The following KIAA1549L variants were observed in gnomAD, a reference collection of about 807,000 sequenced individuals.
The protein encoded by KIAA1549L is KIAA1549 like.
KIAA1549L carries 88 observed loss-of-function variants against 160.7 expected under a neutral mutation model. The observed-to-expected ratio is 0.55, with a 90% CI of 0.46 to 0.65. KIAA1549L has a LOEUF of 0.65. Among genes scored for constraint, KIAA1549L ranks in the 30% least tolerant of loss-of-function variants. The probability of loss-of-function intolerance (pLI) is 0.00; values close to 1 mark genes in which losing one functional copy is unlikely to be tolerated. For synonymous variants in KIAA1549L, 950 were observed against 976.7 expected (o/e 0.97, Z 0.51); for missense variants, 2,258 against 2,437.5 (o/e 0.93, Z 1.55).
rs573454392 is a variant in KIAA1549L at position 33,436,736 on chromosome 11, C to T, written c.238+59847C>T. 6.9e-4 allele frequency among the ~76,000 whole-genome samples: 105 copies of T among 152,272 alleles called. 1 individual carries two copies. Among genetic ancestry groups the T allele is most frequent in the Admixed American group, 5.4e-3 (82 of 15,298 alleles). The stretch of plus-strand genomic sequence containing the variant: ...ATGGTGGAGGCTGAACCCAAGCAAG[C>T]GCAGTCTGGCTCTTCAATTCCTCAC... On this transcript the variant is annotated intron_variant, in intron 1 of 20. Coordinates refer to ENST00000658780, the MANE Select transcript of KIAA1549L (RefSeq NM_012194.3).
In KIAA1549L at chr11:33,547,844, C is replaced by T. The variant is rs1247934271; in HGVS notation, c.3466C>T (p.Arg1156Trp). The T allele has an allele frequency of 1.2e-5, 19 of 1,613,054 alleles. No homozygotes were observed. The highest frequency in any genetic ancestry group is 2.7e-5 in the African/African-American group (2 of 74,936). Reference protein sequence around the residue: ...SIAKGLTQALRKAFHQNDVSA... With the variant: ...SIAKGLTQALWKAFHQNDVSA... ...CGCCAAAGGGCTCACACAGGCATTG[C>T]GGAAGGCTTTCCACCAGAACGATGT... The change falls in exon 4 of 21, where the codon CGG (arginine) becomes TGG (tryptophan). Residue 1156 changes from arginine to tryptophan, a missense_variant. By Grantham distance (101) the Arg-to-Trp change is moderately radical. Coordinates refer to ENST00000658780, the MANE Select transcript of KIAA1549L (RefSeq NM_012194.3).
chr11:33,486,718 C>G (rs1852536228), intron 1 of KIAA1549L, among the ~76,000 whole-genome samples: 2 of 152,042 alleles, frequency 1.3e-5, no homozygotes, highest in South Asian at 4.2e-4. Context: ...ATTCTCTTAA[C>G]ATATTTCAAA....
chr11:33,600,988 C>T (rs1306289296), intron 13 of KIAA1549L, among the ~76,000 whole-genome samples: 2 of 152,088 alleles, frequency 1.3e-5, no homozygotes, highest in African/African-American at 2.4e-5. Context: ...TCCCTGCTGA[C>T]CTTGCCCATT....
rs777668229 is a variant in KIAA1549L at position 33,670,785 on chromosome 11, T to G, written c.*2631T>G. 2 of 152,254 alleles carry G rather than the reference T, an allele frequency of 1.3e-5. No homozygotes were observed. The highest frequency in any genetic ancestry group is 2.9e-5 in the Non-Finnish European group (2 of 68,048). The allele number at this position is 152,254 out of a possible 1,614,324, so 9.4% of individuals were successfully genotyped here. A position where few individuals can be genotyped will look rare whatever the true frequency, so the allele number is the denominator to read the frequency against. On this transcript the variant is annotated 3_prime_UTR_variant, in exon 21 of 21. Transcript: ENST00000658780. ...AGGCAGCAATGAACAAACACCCTGTTCATCAGAACCCTCTAGATAGTCACA... is the reference window on the plus strand; with the variant it reads ...AGGCAGCAATGAACAAACACCCTGTGCATCAGAACCCTCTAGATAGTCACA...
chr11:33,608,310 T>C (rs1388800586), intron 14 of KIAA1549L, among the ~76,000 whole-genome samples: 1 of 152,152 alleles, frequency 6.6e-6, no homozygotes, highest in Non-Finnish European at 1.5e-5. Context: ...ATGATGATAA[T>C]GATGATGATG....
At position 33,545,175 on chromosome 11, in the gene KIAA1549L, C is replaced by G. The variant is rs1490784847; in HGVS notation, c.3182C>G (p.Pro1061Arg). The G allele has an allele frequency of 6.2e-7, 1 of 1,613,962 alleles. No individual in the cohort carries two copies. The highest frequency in any genetic ancestry group is 8.5e-7 in the Non-Finnish European group (1 of 1,179,886). Residue 1061 changes from proline (P) to arginine (R), a missense_variant, in exon 3 of 21, where the codon CCC (proline) becomes CGC (arginine). Pro to Arg is a moderately radical substitution (Grantham distance 103, BLOSUM62 -2). Coordinates refer to ENST00000658780, the MANE Select transcript of KIAA1549L (RefSeq NM_012194.3). ...GLPNPTNLEM[P>R]RASTPRPLTV... ...CCAAACCCCACCAACCTGGAGATGC[C>G]CAGAGCATCCACGCCACGCCCACTG...
intron 1 of KIAA1549L, among the ~76,000 whole-genome samples, chr11:33,389,045 G>C (rs1850225579): frequency 6.6e-6 from 1 of 152,236 alleles, no homozygotes; most frequent in African/African-American, 2.4e-5. Context: ...ATTTATATAT[G>C]TTAAATCTAT....
intron 16 of KIAA1549L, among the ~76,000 whole-genome samples, chr11:33,627,494 A>G (rs1001604577): frequency 1.3e-5 from 2 of 151,910 alleles, no homozygotes; most frequent in Non-Finnish European, 2.9e-5. Context: ...CGGAGAGTGT[A>G]TGTGTCGAGG....
intron 1 of KIAA1549L, among the ~76,000 whole-genome samples, chr11:33,527,196 CAAGA>C (rs1853633027): frequency 6.6e-6 from 1 of 151,918 alleles, no homozygotes; most frequent in South Asian, 2.1e-4. Context: ...TTCGTGTTCC[CAAGA>C]AAGAAGAGAA....
intron 1 of KIAA1549L, among the ~76,000 whole-genome samples, chr11:33,479,989 A>G (rs1402766718): frequency 6.6e-6 from 1 of 152,152 alleles, no homozygotes; most frequent in Non-Finnish European, 1.5e-5. Flanking sequence ...AAATCAAGTT[A>G]AATTTGGCTT....
intron 1 of KIAA1549L, among the ~76,000 whole-genome samples, chr11:33,382,979 TAAAAGTACAGTGTTACTTGTACTTGG>T (rs1384798519): frequency 1.3e-5 from 2 of 152,160 alleles, no homozygotes; most frequent in East Asian, 1.9e-4. Flanking sequence ...TATTAAATAT[TAAAAGTACAGTGTTACTTGTACTTGG>T]AAAAGTACAG....
At chr11:33,581,197 C>T (rs1358364211) in intron 10 of KIAA1549L, among the ~76,000 whole-genome samples, 1 of 152,182 alleles carries the variant, frequency 6.6e-6, no homozygotes, top group African/African-American at 2.4e-5. Context: ...ACTAGCCATC[C>T]ACTGGACCCT....
chr11:33,539,917 C>G (rs1853977181), intron 1 of KIAA1549L, among the ~76,000 whole-genome samples: 3 of 152,200 alleles, frequency 2.0e-5, no homozygotes, highest in Admixed American at 1.3e-4. Flanking sequence ...CAAGATTGTT[C>G]ATAGAAACTT....
Position 33,521,043 on chromosome 11 carries a change from C to T in KIAA1549L, c.239-20759C>T, listed in dbSNP as rs538231870. On this transcript the variant is annotated intron_variant, in intron 1 of 20. Coordinates refer to ENST00000658780, the MANE Select transcript of KIAA1549L (RefSeq NM_012194.3). ...TTCACTGGGCATGGTGGCACATGCCCGTAGCTCTAGCTACTCAGGAGGCTG... is the reference window on the plus strand; with the variant it reads ...TTCACTGGGCATGGTGGCACATGCCTGTAGCTCTAGCTACTCAGGAGGCTG... Among the ~76,000 whole-genome samples, 14 of 152,042 alleles carry T rather than the reference C, an allele frequency of 9.2e-5. No individual in the cohort carries two copies. The South Asian group carries it at 1.2e-3, about 14-fold the overall frequency.
chr11:33,541,395 CGTG>C (rs1760917072), intron 1 of KIAA1549L, among the ~76,000 whole-genome samples: 1 of 152,162 alleles, frequency 6.6e-6, no homozygotes, highest in South Asian at 2.1e-4. Context: ...AAAAAAGATT[CGTG>C]CTTGAATACA....
At chr11:33,656,287 C>T (rs570546064) in intron 18 of KIAA1549L, among the ~76,000 whole-genome samples, 178 bp downstream of exon 18, 3 of 152,308 alleles carry the variant, frequency 2.0e-5, no homozygotes, top group Non-Finnish European at 2.9e-5. Context: ...GAACAGATCA[C>T]GGTGCTTTTG....
At chr11:33,572,524 A>C (rs1483691874) in intron 9 of KIAA1549L, among the ~76,000 whole-genome samples, 1 of 152,216 alleles carries the variant, frequency 6.6e-6, no homozygotes, top group Non-Finnish European at 1.5e-5. Flanking sequence ...TGATTTTGAC[A>C]TTCTAGCATT....
intron 1 of KIAA1549L, among the ~76,000 whole-genome samples, chr11:33,409,160 CTT>C (rs200311926): frequency 0.021 from 3,153 of 151,966 alleles, 51 homozygotes; most frequent in Non-Finnish European, 0.031. Context: ...TTTACAAAGT[CTT>C]TGGAAAAAGT....
intron 10 of KIAA1549L, among the ~76,000 whole-genome samples, chr11:33,581,940 A>T (rs879306171): frequency 6.6e-6 from 1 of 152,182 alleles, no homozygotes; most frequent in Non-Finnish European, 1.5e-5. Context: ...ATTCTTGCTA[A>T]TAAAAAAAAG....
Sources: allele counts gnomAD v4.1 joint callset (sites outside exome capture counted in the v4.1 genomes callset), GRCh38; gene constraint gnomAD v4.1.1; transcripts MANE v1.5; gene names NCBI Gene and HGNC (gene_info 2026-07-23, HGNC 2026-07-21).